Variants in PCDHGA12 observed in about 807,000 individuals in gnomAD.
The protein encoded by PCDHGA12 is protocadherin gamma subfamily A, 12.
PCDHGA12 carries 43 observed loss-of-function variants against 61.1 expected under a neutral mutation model. The observed-to-expected ratio is 0.70, with a 90% CI of 0.55 to 0.91. The LOEUF (loss-of-function observed/expected upper bound fraction) is 0.91. PCDHGA12 is among the 40% of genes least tolerant of loss of function. The pLI is 0.00. For synonymous variants in PCDHGA12, 520 were observed against 542.9 expected, an observed-to-expected ratio of 0.96 and a Z score of 0.59; for missense variants, 1,236 against 1,227.7, an observed-to-expected ratio of 1.01 and a Z score of -0.10.
At chr5:141,482,999 T>G (rs1031397558) in intron 1 of PCDHGA12, among the ~76,000 whole-genome samples, 3 of 151,950 alleles carry the variant, frequency 2.0e-5, no homozygotes, top group Non-Finnish European at 2.9e-5. Flanking sequence ...GCAGGAGAAT[T>G]GCTTGAACCC....
chr5:141,442,561 G>C (rs2098332268), intron 1 of PCDHGA12: 1 of 152,198 alleles, frequency 6.6e-6, no homozygotes, highest in African/African-American at 2.4e-5. Context: ...ACTAAGTTCA[G>C]TCACAAGCAG....
Position 141,511,285 on chromosome 5 carries a change from G to C in PCDHGA12, c.*112G>C. On this transcript the variant is annotated 3_prime_UTR_variant, in exon 4 of 4. Coordinates refer to ENST00000252085, the MANE Select transcript of PCDHGA12 (RefSeq NM_003735.3). Reference sequence around the variant, plus strand: ...GGGCTAACCCCCAGAATACTGGTAGGGGCCAAGGCCATGCTCCCCTTGGGA... The same window carrying C: ...GGGCTAACCCCCAGAATACTGGTAGCGGCCAAGGCCATGCTCCCCTTGGGA... 1 of 1,521,904 alleles carries C rather than the reference G, an allele frequency of 6.6e-7. No homozygotes were observed. The highest frequency in any genetic ancestry group is 8.8e-7 in the Non-Finnish European group (1 of 1,131,664). 94.3% of individuals were successfully genotyped at this position (1,521,904 alleles called of 1,614,324 possible).
chr5:141,474,993 C>A (rs1313232385), intron 1 of PCDHGA12, among the ~76,000 whole-genome samples: 24 of 152,324 alleles, frequency 1.6e-4, no homozygotes. Context: ...GACAACAATT[C>A]TAAATGCAGA....
Position 141,476,538 on chromosome 5 carries a change from A to G in PCDHGA12, c.2425-18269A>G, listed in dbSNP as rs2099393283. ...CCTGCTTTCCCTACCCAGGAAATGAAATTGGAGATTAGCGAGGCCGTGGCT... is the reference window on the plus strand; with the variant it reads ...CCTGCTTTCCCTACCCAGGAAATGAGATTGGAGATTAGCGAGGCCGTGGCT... On this transcript the variant is annotated intron_variant, in intron 1 of 3. Coordinates refer to ENST00000252085, the MANE Select transcript of PCDHGA12 (RefSeq NM_003735.3). The surrounding 1 kb of genome is among the most constrained non-coding windows in gnomAD (Gnocchi z 7.6). 1.2e-6 allele frequency: 2 copies of G among 1,614,162 alleles called. No homozygotes were observed. Among genetic ancestry groups the G allele is most frequent in the Non-Finnish European group, 1.7e-6 (2 of 1,180,042 alleles).
chr5:141,431,553 A>T lies in PCDHGA12; in HGVS notation c.794A>T (p.Asn265Ile), dbSNP rs762863300. The change falls in exon 1 of 4, where the codon AAC becomes ATC. Residue 265 changes from asparagine to isoleucine, a missense_variant. Asn to Ile is a moderately radical substitution (Grantham distance 149). Coordinates refer to ENST00000252085, the MANE Select transcript of PCDHGA12 (RefSeq NM_003735.3). The surrounding 1 kb of genome is among the most constrained non-coding windows in gnomAD (Gnocchi z 4.8). The part of the protein sequence containing the change: ...LALGTQLLVV[N>I]ATDPDEGVNA... Reference sequence around the variant, plus strand: ...TTGGGCACGCAGCTGCTTGTAGTCAACGCTACCGACCCTGACGAAGGAGTC... The same window carrying T: ...TTGGGCACGCAGCTGCTTGTAGTCATCGCTACCGACCCTGACGAAGGAGTC... The T allele has an allele frequency of 1.1e-5, 18 of 1,613,994 alleles. 1 individual carries two copies. Among genetic ancestry groups the T allele is most frequent in the Non-Finnish European group, 3.4e-6 (4 of 1,180,028 alleles).
intron 1 of PCDHGA12, among the ~76,000 whole-genome samples, chr5:141,453,510 T>C (rs11958830): frequency 0.2 from 30,607 of 152,026 alleles, 3,435 homozygotes; most frequent in African/African-American, 0.31. Flanking sequence ...AAAATTGTCA[T>C]TCCTCCCCTA....
intron 2 of PCDHGA12, among the ~76,000 whole-genome samples, chr5:141,500,939 G>T (rs2099804123): frequency 6.6e-6 from 1 of 151,680 alleles, no homozygotes; most frequent in South Asian, 2.1e-4. Context: ...CGCCATCTCG[G>T]CTCACTGCAA....
At chr5:141,457,677 T>C (rs1386991642) in intron 1 of PCDHGA12, among the ~76,000 whole-genome samples, 1 of 152,262 alleles carries the variant, frequency 6.6e-6, no homozygotes, top group Non-Finnish European at 1.5e-5. Flanking sequence ...TATTTCTACA[T>C]AGGACTTTTG....
At chr5:141,461,013 C>G (rs981329088) in intron 1 of PCDHGA12, among the ~76,000 whole-genome samples, 2 of 148,522 alleles carry the variant, frequency 1.3e-5, no homozygotes, top group Non-Finnish European at 3.0e-5. Flanking sequence ...ATATATATAC[C>G]ACATTTTCTT....
chr5:141,460,950 T>C (rs1458616371), intron 1 of PCDHGA12, among the ~76,000 whole-genome samples: 1 of 135,948 alleles, frequency 7.4e-6, no homozygotes, highest in East Asian at 2.0e-4. Flanking sequence ...ATATGTATTA[T>C]GTATATATAT....
intron 3 of PCDHGA12, 73 bp from the exon 4 acceptor site, chr5:141,510,874 G>C: frequency 6.2e-7 from 1 of 1,610,126 alleles, no homozygotes; most frequent in Non-Finnish European, 8.5e-7. Context: ...TTCATTAACT[G>C]CTGGGGATAT....
Position 141,486,146 on chromosome 5 carries a change from G to A in PCDHGA12, c.2425-8661G>A, listed in dbSNP as rs533158692. The A allele has an allele frequency of 3.1e-6, 5 of 1,614,184 alleles. No homozygotes were observed. The highest frequency in any genetic ancestry group is 2.2e-5 in the East Asian group (1 of 44,876). The stretch of plus-strand genomic sequence containing the variant: ...TGAATTTGATGTGCGGGCTCGCGAT[G>A]GGGGTTCTCCAGCCATGGAGCAACA... On this transcript the variant is annotated intron_variant, in intron 1 of 3. Transcript: ENST00000252085. The surrounding 1 kb of genome is among the most constrained non-coding windows in gnomAD (Gnocchi z 5.0).
intron 3 of PCDHGA12, among the ~76,000 whole-genome samples, chr5:141,507,518 A>T (rs1323767789): frequency 6.6e-6 from 1 of 152,132 alleles, no homozygotes; most frequent in African/African-American, 2.4e-5. Flanking sequence ...TGGGGCTATG[A>T]TTCCAGAGAG....
chr5:141,506,688 T>G (rs114532236), intron 3 of PCDHGA12, among the ~76,000 whole-genome samples: 2,113 of 152,334 alleles, frequency 0.014, 37 homozygotes, highest in African/African-American at 0.048. Flanking sequence ...TTATCTTTGC[T>G]GACCCAAACC....
chr5:141,469,049 G>A (rs916327969), intron 1 of PCDHGA12, among the ~76,000 whole-genome samples: 3 of 152,054 alleles, frequency 2.0e-5, no homozygotes, highest in African/African-American at 2.4e-5. Context: ...GGCCAAGGTG[G>A]GAGGATTGCT....
At chr5:141,471,786 A>G (rs1043196530) in intron 1 of PCDHGA12, among the ~76,000 whole-genome samples, 6 of 152,244 alleles carry the variant, frequency 3.9e-5, no homozygotes, top group African/African-American at 1.4e-4. Flanking sequence ...ACATTATGCT[A>G]TGTCATATAA....
At position 141,487,796 on chromosome 5, in the gene PCDHGA12, T is replaced by C. The variant is rs766798983; in HGVS notation, c.2425-7011T>C. ...TAACTGTTTCGTGAATTAACCAGAG[T>C]TGTCACAGTTTAGCATTGGGGGCGG... On this transcript the variant is annotated intron_variant, in intron 1 of 3. Coordinates refer to ENST00000252085, the MANE Select transcript of PCDHGA12 (RefSeq NM_003735.3). The surrounding 1 kb of genome is among the most constrained non-coding windows in gnomAD (Gnocchi z 5.0). 15 of 1,498,660 alleles carry C rather than the reference T, an allele frequency of 1.0e-5. No homozygotes were observed. The highest frequency in any genetic ancestry group is 1.4e-5 in the Non-Finnish European group (15 of 1,110,900). 92.8% of individuals were successfully genotyped at this position (1,498,660 alleles called of 1,614,324 possible). A position where few individuals can be genotyped will look rare whatever the true frequency, so the allele number is the denominator to read the frequency against.
In PCDHGA12 at chr5:141,486,565, T is replaced by C; in HGVS notation, c.2425-8242T>C. ...TTCAGAGGTCACATGAGGTGTTTGT[T>C]CCTGAGAACAATCGCCCAGGGGACC... On this transcript the variant is annotated intron_variant, in intron 1 of 3. Coordinates refer to ENST00000252085, the MANE Select transcript of PCDHGA12 (RefSeq NM_003735.3). The surrounding 1 kb of genome is among the most constrained non-coding windows in gnomAD (Gnocchi z 5.0). 6.2e-7 allele frequency: 1 copy of C among 1,614,024 alleles called. No homozygotes were observed. Among genetic ancestry groups the C allele is most frequent in the Non-Finnish European group, 8.5e-7 (1 of 1,180,032 alleles).
Position 141,510,946 on chromosome 5 carries a change from GA to G in PCDHGA12, c.2574del (p.Ala859LeufsTer17). The G allele has an allele frequency of 6.2e-7, 1 of 1,614,128 alleles. No homozygotes were observed. ...LQAMILASAS[E>X]AADGSSTLGG... ...CACCTGATCTTCCTCTGTCTCTGCA[GA>G]AGCTGCTGATGGGAGCTCCACCCTG... On this transcript the variant is annotated frameshift_variant and splice_region_variant, in exon 4 of 4. Coordinates refer to ENST00000252085, the MANE Select transcript of PCDHGA12 (RefSeq NM_003735.3). LOFTEE classifies it high-confidence loss of function.
Sources: gnomAD v4.1 joint callset for allele counts (sites outside exome capture counted in the v4.1 genomes callset) on GRCh38, gnomAD v4.1.1 for gene constraint, Gnocchi (gnomAD v3.1) non-coding constraint, MANE v1.5 for transcripts, NCBI Gene and HGNC (gene_info 2026-07-23, HGNC 2026-07-21) for gene names.